The following PCDHGA1 variants were observed in gnomAD, a reference collection of about 807,000 sequenced individuals.
PCDHGA1 encodes the protein protocadherin gamma subfamily A, 1, also known as protocadherin gamma-A1.
In PCDHGA1, 32 loss-of-function variants were observed where a neutral mutation model predicts 58.0. The observed-to-expected ratio is 0.55, with a 90% CI of 0.42 to 0.74. The LOEUF is 0.74. Among genes scored for constraint, PCDHGA1 ranks in the 30% least tolerant of loss-of-function variants. The pLI, the probability that PCDHGA1 is intolerant of heterozygous loss-of-function variation, is 0.00. For synonymous variants in PCDHGA1, 498 were observed against 501.1 expected (o/e 0.99, Z 0.08); for missense variants, 1,205 against 1,182.3 (o/e 1.02, Z -0.28).
chr5:141,394,081 T>C, intron 1 of PCDHGA1: 3 of 1,613,892 alleles, frequency 1.9e-6, no homozygotes, highest in Non-Finnish European at 2.5e-6. Context: ...ATCACAGTGA[T>C]GGCCTCAGAT....
intron 1 of PCDHGA1, chr5:141,417,879 A>G (rs2096177010): frequency 7.1e-6 from 11 of 1,559,306 alleles, no homozygotes; most frequent in South Asian, 2.3e-5. Flanking sequence ...AGCTGCGCGC[A>G]GAGGCGCCGG....
At chr5:141,509,507 T>G (rs2099877110) in intron 3 of PCDHGA1, among the ~76,000 whole-genome samples, 1 of 151,792 alleles carries the variant, frequency 6.6e-6, no homozygotes, top group African/African-American at 2.4e-5. Flanking sequence ...GATGTGACGG[T>G]GTTGATGATG....
At chr5:141,480,584 G>A (rs1421730652) in intron 1 of PCDHGA1, among the ~76,000 whole-genome samples, 1 of 134,606 alleles carries the variant, frequency 7.4e-6, no homozygotes, top group Non-Finnish European at 1.6e-5. Context: ...AATAACTGCC[G>A]CTCTTCTGGT....
intron 1 of PCDHGA1, chr5:141,413,440 A>G (rs4912751): frequency 0.46 from 738,760 of 1,613,878 alleles, 177,316 homozygotes; most frequent in African/African-American, 0.83. Flanking sequence ...CGGCAGCTTG[A>G]TCACCGCGGG....
rs759160174 is a variant in PCDHGA1, at chr5:141,385,062, G to T, written c.2421+51957G>T. 2.1e-5 allele frequency: 34 copies of T among 1,614,044 alleles called. No homozygotes were observed. In the South Asian group the frequency reaches 3.4e-4, roughly 16 times the overall value. On this transcript the variant is annotated intron_variant, in intron 1 of 3. Transcript: ENST00000517417. ...CGCTCAGGCTGCGGCGCTGGCACAA[G>T]TCACGCCTGCTGCAGGCTTCAGAAG... is the stretch of plus-strand genomic sequence containing the variant.
At chr5:141,344,696 C>T (rs752778278) in intron 1 of PCDHGA1, 1 of 1,613,968 alleles carries the variant, frequency 6.2e-7, no homozygotes, top group South Asian at 1.1e-5. Context: ...GCGACCCTGT[C>T]CACTCTGGCA....
chr5:141,487,616 G>A lies in PCDHGA1; in HGVS notation c.2422-7191G>A. On this transcript the variant is annotated intron_variant, in intron 1 of 3. Transcript: ENST00000517417. This position sits in a 1 kb window ranked among gnomAD's most constrained non-coding sequence, Gnocchi z 5.0. ...CTCTGATCTTCTCTATGGGCTAGAG[G>A]TGAGACCTTTGCAGGCTCAACAAAT... 2 of 1,614,220 alleles carry A rather than the reference G, an allele frequency of 1.2e-6. No homozygotes were observed. The highest frequency in any genetic ancestry group is 1.7e-6 in the Non-Finnish European group (2 of 1,180,044).
intron 1 of PCDHGA1, among the ~76,000 whole-genome samples, chr5:141,463,124 T>C (rs2099053100): frequency 6.6e-6 from 1 of 152,174 alleles, no homozygotes; most frequent in African/African-American, 2.4e-5. Context: ...AATAGCTCCC[T>C]GGCAGTTCTT....
At chr5:141,400,178 T>G in intron 1 of PCDHGA1, 1 of 1,614,074 alleles carries the variant, frequency 6.2e-7, no homozygotes, top group Non-Finnish European at 8.5e-7. Context: ...CAGGCTGAGC[T>G]GCAGTTTTAC....
intron 1 of PCDHGA1, among the ~76,000 whole-genome samples, chr5:141,483,648 T>TTGTGTGTG (rs111458813): frequency 0.019 from 2,886 of 149,692 alleles, 51 homozygotes; most frequent in African/African-American, 0.054. Flanking sequence ...GGGTGTGTGT[T>TTGTGTGTG]TGTGTGTGTG....
chr5:141,388,448 C>CA, intron 1 of PCDHGA1: 1 of 1,613,760 alleles, frequency 6.2e-7, no homozygotes, highest in Non-Finnish European at 8.5e-7. Context: ...AATCAGATGG[C>CA]AGTAAATACC....
intron 1 of PCDHGA1, chr5:141,426,732 C>T (rs576525011): frequency 2.7e-4 from 123 of 448,642 alleles, no homozygotes; most frequent in African/African-American, 2.2e-3. Context: ...TCCAGGCATT[C>T]GGTTTGGCCT....
At chr5:141,402,953 A>G in intron 1 of PCDHGA1, 3 of 1,597,298 alleles carry the variant, frequency 1.9e-6, no homozygotes, top group Middle Eastern at 1.7e-4. Context: ...CGAGGCAGCA[A>G]TGGCAGCTCC....
intron 1 of PCDHGA1, chr5:141,399,613 G>A: frequency 6.2e-7 from 1 of 1,613,928 alleles, no homozygotes; most frequent in Non-Finnish European, 8.5e-7. Context: ...AGAGCCTCTG[G>A]CACTGGCCTC....
chr5:141,457,676 A>G (rs1380484149), intron 1 of PCDHGA1, among the ~76,000 whole-genome samples: 2 of 152,240 alleles, frequency 1.3e-5, no homozygotes, highest in East Asian at 3.8e-4. Flanking sequence ...TTATTTCTAC[A>G]TAGGACTTTT....
In PCDHGA1 at chr5:141,378,672, A is replaced by T. The variant is rs367846333; in HGVS notation, c.2421+45567A>T. ...GTTAATGAGGTTCAAATAAAAATTTAAATATTTTAGCATTTTAACCCAGAC... is the reference window on the plus strand; with the variant it reads ...GTTAATGAGGTTCAAATAAAAATTTTAATATTTTAGCATTTTAACCCAGAC... On this transcript the variant is annotated intron_variant, in intron 1 of 3. Coordinates refer to ENST00000517417, the MANE Select transcript of PCDHGA1 (RefSeq NM_018912.3). The T allele has an allele frequency of 1.8e-4, 28 of 152,392 alleles. 3 individuals are homozygous for T. Among genetic ancestry groups the T allele is most frequent in the Admixed American group, 1.5e-3 (23 of 15,312 alleles). 9.4% of individuals were successfully genotyped at this position (152,392 alleles called of 1,614,324 possible). A position where few individuals can be genotyped will look rare whatever the true frequency, so the allele number is the denominator to read the frequency against.
chr5:141,486,559 G>A lies in PCDHGA1; in HGVS notation c.2422-8248G>A. ...CTTTCTTTCAGAGGTCACATGAGGTGTTTGTTCCTGAGAACAATCGCCCAG... is the reference window on the plus strand; with the variant it reads ...CTTTCTTTCAGAGGTCACATGAGGTATTTGTTCCTGAGAACAATCGCCCAG... On this transcript the variant is annotated intron_variant, in intron 1 of 3. Transcript: ENST00000517417. This position sits in a 1 kb window ranked among gnomAD's most constrained non-coding sequence, Gnocchi z 5.0. 6.2e-7 allele frequency: 1 copy of A among 1,614,032 alleles called. No individual in the cohort carries two copies. Among genetic ancestry groups the A allele is most frequent in the Non-Finnish European group, 8.5e-7 (1 of 1,180,022 alleles).
chr5:141,392,683 G>A, intron 1 of PCDHGA1: 1 of 1,058,682 alleles, frequency 9.4e-7, no homozygotes. Context: ...GGACTGCAGC[G>A]AAACCCGACC....
intron 1 of PCDHGA1, chr5:141,370,134 T>G: frequency 2.5e-6 from 1 of 405,930 alleles, no homozygotes; most frequent in Non-Finnish European, 4.3e-6. Context: ...TTGGAGCTGA[T>G]TTAGTCACCA....
Sources: gnomAD v4.1 joint callset for allele counts (sites outside exome capture counted in the v4.1 genomes callset) on GRCh38, gnomAD v4.1.1 for gene constraint, Gnocchi (gnomAD v3.1) non-coding constraint, MANE v1.5 for transcripts, NCBI Gene and HGNC (gene_info 2026-07-23, HGNC 2026-07-21) for gene names.